GRB10: variants seen among roughly 807,000 people sequenced by gnomAD.
GRB10 encodes growth factor receptor bound protein 10, also known as growth factor receptor-bound protein 10.
A neutral mutation model predicts 80.9 loss-of-function variants in GRB10; 20 were observed. The observed-to-expected ratio is 0.25, with a 90% CI of 0.17 to 0.36. The LOEUF (loss-of-function observed/expected upper bound fraction) is 0.36, where lower values mean the gene tolerates loss of function less well. Ranked by LOEUF, GRB10 falls within the 10% of genes least tolerant of loss-of-function variation. GRB10 has a pLI of 1.00. For missense variants in GRB10, 548 were observed against 747.7 expected (o/e 0.73, Z 3.12); for synonymous variants, 291 against 291.5 (o/e 1.00, Z 0.02).
At chr7:50,641,554 T>C (rs555101765) in intron 7 of GRB10, among the ~76,000 whole-genome samples, 14 of 152,346 alleles carry the variant, frequency 9.2e-5, no homozygotes, top group Non-Finnish European at 1.5e-4. Flanking sequence ...CAGAGGCCAC[T>C]TGGGGGCACT....
rs143054594 is a variant in GRB10, at chr7:50,737,816, C to A, written c.-46-5448G>T. On this transcript the variant is annotated intron_variant, in intron 3 of 18. Coordinates refer to ENST00000401949, the MANE Select transcript of GRB10 (RefSeq NM_001350814.2). ...TGAGCTGAGATCACGCCATTGCACT[C>A]CAGCCTGGGCGACAAGAGCAAAACT... 7.2e-3 allele frequency among the ~76,000 whole-genome samples: 1,096 copies of A among 152,312 alleles called. 16 individuals carry two copies. The highest frequency in any genetic ancestry group is 0.025 in the African/African-American group (1,041 of 41,562).
intron 4 of GRB10, among the ~76,000 whole-genome samples, chr7:50,708,630 G>C (rs186473089): frequency 6.7e-6 from 1 of 149,886 alleles, no homozygotes; most frequent in African/African-American, 2.5e-5. Context: ...CTCGCCCATT[G>C]TGGGAAGGAC....
At chr7:50,606,586 C>T in intron 13 of GRB10, 172 bp from the exon 14 acceptor site, 2 of 639,756 alleles carry the variant, frequency 3.1e-6, no homozygotes, top group Non-Finnish European at 5.7e-6. Context: ...GGATTAGGAG[C>T]AATGACGCCC....
In GRB10 at chr7:50,612,784, T is replaced by G. The variant is rs759900814; in HGVS notation, c.1151A>C (p.Glu384Ala). The G allele has an allele frequency of 6.2e-7, 1 of 1,614,104 alleles. No individual in the cohort carries two copies. The highest frequency in any genetic ancestry group is 8.5e-7 in the Non-Finnish European group (1 of 1,180,008). ...TGTCATCCAGCACGTCCTGGTTTGC[T>G]CGTCCTCTGCACAGAGCAACCTCAG... ...KELRLLCAED[E>A]QTRTCWMTAF... The change falls in exon 13 of 19, where the codon GAG becomes GCG. Residue 384 changes from glutamate to alanine, a missense_variant. By Grantham distance (107) the Glu-to-Ala change is moderately radical. Transcript: ENST00000401949.
chr7:50,750,943 C>T (rs778606750), intron 3 of GRB10, among the ~76,000 whole-genome samples: 1 of 152,212 alleles, frequency 6.6e-6, no homozygotes, highest in Non-Finnish European at 1.5e-5. Flanking sequence ...TCTCTACCCA[C>T]CTAGGACGTG....
Position 50,695,713 on chromosome 7 carries a change from C to T in GRB10, c.139+8108G>A, listed in dbSNP as rs545999171. 1.6e-3 allele frequency among the ~76,000 whole-genome samples: 250 copies of T among 152,190 alleles called. No homozygotes were observed. In the Middle Eastern group the frequency reaches 0.02, roughly 12 times the overall value. On this transcript the variant is annotated intron_variant, in intron 5 of 18. Transcript: ENST00000401949. ...ACAGGAATTTCCAGGGTCTTTTGTT[C>T]CTTCCTGTCTGCTATAGGTTTAGAT...
chr7:50,716,368 A>G (rs1442935839), intron 4 of GRB10, among the ~76,000 whole-genome samples: 1 of 152,164 alleles, frequency 6.6e-6, no homozygotes, highest in Non-Finnish European at 1.5e-5. Flanking sequence ...AGCCCAAAAT[A>G]TTTAAAAGAA....
intron 13 of GRB10, 37 bp downstream of exon 13, chr7:50,612,704 G>T: frequency 7.1e-7 from 1 of 1,399,302 alleles, no homozygotes; most frequent in Non-Finnish European, 1.0e-6. Context: ...TCCACGAAGA[G>T]ATGTGCACTC....
At chr7:50,768,762 A>C (rs967437625) in intron 2 of GRB10, among the ~76,000 whole-genome samples, 2 of 152,208 alleles carry the variant, frequency 1.3e-5, no homozygotes, top group Non-Finnish European at 2.9e-5. Context: ...GCTGCATGCA[A>C]GGATTCTGGA....
At chr7:50,669,587 A>G in intron 7 of GRB10, 135 bp downstream of exon 7, 2 of 854,964 alleles carry the variant, frequency 2.3e-6, no homozygotes, top group Non-Finnish European at 3.8e-6. Flanking sequence ...GTACTGTGAC[A>G]ACAAGAAAAG....
intron 5 of GRB10, among the ~76,000 whole-genome samples, chr7:50,676,871 A>G (rs2061016155): frequency 6.6e-6 from 1 of 152,080 alleles, no homozygotes; most frequent in Non-Finnish European, 1.5e-5. Context: ...CCTGGTGAAG[A>G]CAGACAGATA....
chr7:50,776,255 G>A (rs2077630927), intron 2 of GRB10, among the ~76,000 whole-genome samples: 1 of 151,986 alleles, frequency 6.6e-6, no homozygotes, highest in Non-Finnish European at 1.5e-5. Flanking sequence ...ATTCTGTCAC[G>A]CAGGCTAGAG....
intron 2 of GRB10, among the ~76,000 whole-genome samples, chr7:50,766,003 G>A (rs1277385863): frequency 6.6e-6 from 1 of 152,160 alleles, no homozygotes; most frequent in African/African-American, 2.4e-5. Context: ...AGAGCAAAAG[G>A]AGCCAAAAGA....
rs557210650 is a variant in GRB10, at chr7:50,665,306, A to G, written c.504+4416T>C. On this transcript the variant is annotated intron_variant, in intron 7 of 18. Transcript: ENST00000401949. ...CCTCAGGTAAACGCAAGACCAATAG[A>G]CTCTGGCTTAAATATTAACAAGCCA... 3.3e-5 allele frequency among the ~76,000 whole-genome samples: 5 copies of G among 152,356 alleles called. No homozygotes were observed. The East Asian group carries it at 9.6e-4, about 29-fold the overall frequency.
At chr7:50,618,017 G>A in intron 10 of GRB10, 54 bp downstream of exon 10, 2 of 1,362,674 alleles carry the variant, frequency 1.5e-6, no homozygotes, top group East Asian at 2.3e-5. Flanking sequence ...TCAGTTCCAA[G>A]AGGATTTCTA....
intron 3 of GRB10, among the ~76,000 whole-genome samples, chr7:50,739,665 A>G (rs2153695900): frequency 6.6e-6 from 1 of 152,324 alleles, no homozygotes; most frequent in South Asian, 2.1e-4. Flanking sequence ...ACCCGGTAAC[A>G]GGTTGAAACC....
intron 15 of GRB10, 33 bp from the exon 16 acceptor site, chr7:50,604,410 C>A: frequency 6.4e-7 from 1 of 1,569,974 alleles, no homozygotes; most frequent in Non-Finnish European, 8.8e-7. Context: ...GCACCGAGGA[C>A]AGCAGACAGA....
At chr7:50,627,718 A>G (rs975882234) in intron 7 of GRB10, among the ~76,000 whole-genome samples, 4 of 152,206 alleles carry the variant, frequency 2.6e-5, no homozygotes, top group South Asian at 2.1e-4. Context: ...CCCTGCAGCA[A>G]TGCACCCTTC....
intron 18 of GRB10, among the ~76,000 whole-genome samples, chr7:50,593,464 GA>G (rs1234804911): frequency 1.3e-5 from 2 of 152,160 alleles, no homozygotes; most frequent in East Asian, 3.9e-4. Flanking sequence ...CATGCCCCGA[GA>G]AGACTGCACA....
Sources: allele counts gnomAD v4.1 joint callset (sites outside exome capture counted in the v4.1 genomes callset), GRCh38; gene constraint gnomAD v4.1.1; transcripts MANE v1.5; gene names NCBI Gene and HGNC (gene_info 2026-07-23, HGNC 2026-07-21).